USP10: variants seen among roughly 807,000 people sequenced by gnomAD.
USP10 encodes the protein ubiquitin specific peptidase 10.
USP10 carries 22 observed loss-of-function variants against 84.5 expected under a neutral mutation model. That is an observed-to-expected ratio of 0.26 (90% confidence interval 0.19 to 0.37). USP10 has a LOEUF of 0.37. Among genes scored for constraint, USP10 ranks in the 10% least tolerant of loss-of-function variants. The pLI is 1.00. For synonymous variants in USP10, 454 were observed against 387.6 expected, an observed-to-expected ratio of 1.17 and a Z score of -2.01; for missense variants, 1,019 against 998.9, an observed-to-expected ratio of 1.02 and a Z score of -0.27.
intron 1 of USP10, chr16:84,704,801 T>A (rs1905265896): frequency 6.5e-7 from 1 of 1,535,700 alleles, no homozygotes; most frequent in African/African-American, 1.4e-5. Flanking sequence ...CTACCAGCAC[T>A]GCCATTCTGT....
intron 1 of USP10, among the ~76,000 whole-genome samples, chr16:84,709,525 T>C (rs1198227016): frequency 6.6e-6 from 1 of 152,074 alleles, no homozygotes; most frequent in Non-Finnish European, 1.5e-5. Context: ...TCACATTGCC[T>C]TTTGGGATCA....
At position 84,779,244 on chromosome 16, in the gene USP10, C is replaced by A. The variant is rs530598759; in HGVS notation, c.*162C>A. Reference sequence around the variant, plus strand: ...GATGCCTTGGGGTTCGTGCACAACACAGCTTCTGTTGACTCTAACTTCCAA... The same window carrying A: ...GATGCCTTGGGGTTCGTGCACAACAAAGCTTCTGTTGACTCTAACTTCCAA... On this transcript the variant is annotated 3_prime_UTR_variant, in exon 14 of 14. Coordinates refer to ENST00000219473, the MANE Select transcript of USP10 (RefSeq NM_005153.3). The A allele has an allele frequency of 1.2e-4, 87 of 703,524 alleles. No homozygotes were observed. Among genetic ancestry groups the A allele is most frequent in the Admixed American group, 4.7e-4 (13 of 27,496 alleles). The allele number at this position is 703,524 out of a possible 1,614,324, so 43.6% of individuals were successfully genotyped here.
chr16:84,779,155 C>T lies in USP10; in HGVS notation c.*73C>T, dbSNP rs1182525991. 1 of 1,519,404 alleles carries T rather than the reference C, an allele frequency of 6.6e-7. No individual in the cohort carries two copies. Among genetic ancestry groups the T allele is most frequent in the South Asian group, 1.3e-5 (1 of 79,024 alleles). 94.1% of individuals were successfully genotyped at this position (1,519,404 alleles called of 1,614,324 possible). ...CACCTCACACTCACTTCCCGCCTCT[C>T]TTTAGTGGCTCTTTAGAGAGAAACT... On this transcript the variant is annotated 3_prime_UTR_variant, in exon 14 of 14. Transcript: ENST00000219473.
chr16:84,721,562 C>G (rs1328915221), intron 1 of USP10, among the ~76,000 whole-genome samples: 1 of 152,194 alleles, frequency 6.6e-6, no homozygotes, highest in Non-Finnish European at 1.5e-5. Flanking sequence ...AGGTCTTGCT[C>G]TGTCTCCCAG....
At chr16:84,714,786 T>G (rs1008499362) in intron 1 of USP10, among the ~76,000 whole-genome samples, 1 of 151,940 alleles carries the variant, frequency 6.6e-6, no homozygotes, top group Non-Finnish European at 1.5e-5. Flanking sequence ...GGGAGAGAGA[T>G]ATTTTGCTAA....
At chr16:84,771,104 A>G (rs1160917091) in intron 11 of USP10, among the ~76,000 whole-genome samples, 1 of 151,988 alleles carries the variant, frequency 6.6e-6, no homozygotes, top group Non-Finnish European at 1.5e-5. Flanking sequence ...AGCATCAAAG[A>G]CTTTGTAAGT....
intron 4 of USP10, among the ~76,000 whole-genome samples, chr16:84,750,590 T>G (rs558966049): frequency 1.3e-5 from 2 of 152,176 alleles, no homozygotes; most frequent in East Asian, 3.8e-4. Flanking sequence ...TATGCTTTCA[T>G]TGAACATTGT....
At chr16:84,708,443 T>C (rs1905838574) in intron 1 of USP10, among the ~76,000 whole-genome samples, 1 of 152,102 alleles carries the variant, frequency 6.6e-6, no homozygotes, top group African/African-American at 2.4e-5. Flanking sequence ...AGAGTGAAAC[T>C]CCATCTCAAA....
chr16:84,734,168 G>C (rs912656464), intron 2 of USP10, among the ~76,000 whole-genome samples: 17 of 152,132 alleles, frequency 1.1e-4, no homozygotes, highest in African/African-American at 4.1e-4. Flanking sequence ...TGTGGACCGA[G>C]CCTCTTTAGT....
At chr16:84,752,518 T>C (rs920459291) in intron 4 of USP10, among the ~76,000 whole-genome samples, 14 of 152,224 alleles carry the variant, frequency 9.2e-5, no homozygotes, top group Admixed American at 7.2e-4. Context: ...TATTGGACTT[T>C]AGGCTAGGAA....
At chr16:84,702,142 T>C (rs11867157) in intron 1 of USP10, among the ~76,000 whole-genome samples, 3,679 of 141,092 alleles carry the variant, frequency 0.026, 149 homozygotes, top group African/African-American at 0.092. Context: ...CTGCAACCTC[T>C]GCCTCCCGGG....
chr16:84,741,892 C>G (rs1167882142), intron 3 of USP10, among the ~76,000 whole-genome samples: 1 of 152,166 alleles, frequency 6.6e-6, no homozygotes, highest in Non-Finnish European at 1.5e-5. Flanking sequence ...TTCTCTGTGT[C>G]TGTCACTGCG....
chr16:84,737,911 TA>T (rs1910141548), intron 2 of USP10, among the ~76,000 whole-genome samples: 1 of 152,224 alleles, frequency 6.6e-6, no homozygotes, highest in Non-Finnish European at 1.5e-5. Context: ...CACCTGGCAT[TA>T]CCGGCCCCGC....
At chr16:84,777,145 C>T (rs1256348761) in intron 13 of USP10, among the ~76,000 whole-genome samples, 1 of 152,218 alleles carries the variant, frequency 6.6e-6, no homozygotes, top group African/African-American at 2.4e-5. Flanking sequence ...GAAGCAATCT[C>T]GCGCACAAGC....
intron 3 of USP10, among the ~76,000 whole-genome samples, chr16:84,742,489 CT>C (rs1458937347): frequency 6.6e-6 from 1 of 152,244 alleles, no homozygotes; most frequent in Non-Finnish European, 1.5e-5. Flanking sequence ...CCCTCGCCCC[CT>C]GCCTTGTAGT....
rs1363672410 is a variant in USP10 at position 84,762,974 on chromosome 16, A to G, written c.1555-15A>G. ...GATCAGTTCACAGTAACGTGATTAT[A>G]TTTGACCTTTTCAGGGTCGACAAGA... is the stretch of plus-strand genomic sequence containing the variant. On this transcript the variant is annotated splice_polypyrimidine_tract_variant and intron_variant, in intron 8 of 13. Coordinates refer to ENST00000219473, the MANE Select transcript of USP10 (RefSeq NM_005153.3). 3.2e-6 allele frequency: 5 copies of G among 1,572,902 alleles called. No homozygotes were observed. The highest frequency in any genetic ancestry group is 4.4e-6 in the Non-Finnish European group (5 of 1,144,996).
intron 2 of USP10, among the ~76,000 whole-genome samples, chr16:84,737,441 G>C (rs950136062): frequency 6.6e-6 from 1 of 152,200 alleles, no homozygotes; most frequent in African/African-American, 2.4e-5. Flanking sequence ...TAGATACCCA[G>C]TTACCACAGA....
In USP10 at chr16:84,776,104, TTAC is replaced by T. The variant is rs1465502435; in HGVS notation, c.2209+880_2209+882del. Among the ~76,000 whole-genome samples, 12 of 152,220 alleles carry T rather than the reference TTAC, an allele frequency of 7.9e-5. 1 individual carries two copies. Among genetic ancestry groups the T allele is most frequent in the Non-Finnish European group, 1.5e-4 (10 of 68,038 alleles). On this transcript the variant is annotated intron_variant, in intron 13 of 13. Coordinates refer to ENST00000219473, the MANE Select transcript of USP10 (RefSeq NM_005153.3). ...CTTCCCAAGATATTCTTTCATTTCCTTACATGTGTCCTAGGAGATGGGAGGTGG... is the reference window on the plus strand; with the variant it reads ...CTTCCCAAGATATTCTTTCATTTCCTATGTGTCCTAGGAGATGGGAGGTGG...
intron 1 of USP10, among the ~76,000 whole-genome samples, chr16:84,724,667 G>C (rs920941520): frequency 2.0e-5 from 3 of 152,156 alleles, no homozygotes; most frequent in African/African-American, 7.2e-5. Flanking sequence ...GTAACACTTA[G>C]TTCAGCTTGC....
Sources: allele counts gnomAD v4.1 joint callset (sites outside exome capture counted in the v4.1 genomes callset), GRCh38; gene constraint gnomAD v4.1.1; transcripts MANE v1.5; gene names NCBI Gene and HGNC (gene_info 2026-07-23, HGNC 2026-07-21).